The following SLCO2A1 variants were observed in gnomAD, a reference collection of about 807,000 sequenced individuals.
SLCO2A1 encodes the protein matrin F/G 1.
In SLCO2A1, 60 loss-of-function variants were observed where a neutral mutation model predicts 71.7. The ratio of observed to expected loss-of-function variants is 0.84; its 90% CI spans 0.68 to 1.04. The LOEUF (loss-of-function observed/expected upper bound fraction) is 1.04. SLCO2A1 is among the 50% of genes least tolerant of loss of function. The pLI, the probability that SLCO2A1 is intolerant of heterozygous loss-of-function variation, is 0.00. For synonymous variants in SLCO2A1, 308 were observed against 326.7 expected, an observed-to-expected ratio of 0.94 and a Z score of 0.62; for missense variants, 745 against 813.4, an observed-to-expected ratio of 0.92 and a Z score of 1.02.
chr3:133,964,040 C>T (rs1205224458), intron 3 of SLCO2A1, among the ~76,000 whole-genome samples: 2 of 152,234 alleles, frequency 1.3e-5, no homozygotes, highest in African/African-American at 4.8e-5. Flanking sequence ...AACATGTGTT[C>T]TATTCCAGCT....
Position 133,942,698 on chromosome 3 carries a change from CAG to C in SLCO2A1, c.1530_1531del (p.Ala512ProfsTer65), listed in dbSNP as rs781031835. On this transcript the variant is annotated frameshift_variant, in exon 11 of 14. Coordinates refer to ENST00000310926, the MANE Select transcript of SLCO2A1 (RefSeq NM_005630.3). LOFTEE classifies it high-confidence loss of function. ...GATGGCCGGGAGCAGGAAGTGGGCA[CAG>C]GGGACAGGGCACGATCCTGTCTTTG... 1 of 1,613,924 alleles carries C rather than the reference CAG, an allele frequency of 6.2e-7. No homozygotes were observed. Among genetic ancestry groups the C allele is most frequent in the Non-Finnish European group, 8.5e-7 (1 of 1,179,960 alleles).
intron 2 of SLCO2A1, among the ~76,000 whole-genome samples, chr3:133,978,692 A>C (rs1344307352): frequency 6.6e-6 from 1 of 152,026 alleles, no homozygotes. Context: ...GCCTGCCTCC[A>C]TCCAGGAAGA....
chr3:133,961,569 A>G lies in SLCO2A1; in HGVS notation c.398-6376T>C, dbSNP rs540380448. Among the ~76,000 whole-genome samples, 3 of 152,330 alleles carry G rather than the reference A, an allele frequency of 2.0e-5. No individual in the cohort carries two copies. The East Asian group carries it at 5.8e-4, about 29-fold the overall frequency. ...TGCCTGCTGCACCACGGCCACAAAA[A>G]TCCTCATGAAGTTCATCTCATGCAG... On this transcript the variant is annotated intron_variant, in intron 3 of 13. Transcript: ENST00000310926.
Position 133,942,664 on chromosome 3 carries a change from G to T in SLCO2A1, c.1566C>A (p.Ile522=), listed in dbSNP as rs755229552. The change falls in exon 11 of 14, where the codon ATC becomes ATA. Residue 522 remains isoleucine (I), a synonymous_variant. Transcript: ENST00000310926. The stretch of plus-strand genomic sequence containing the variant: ...TGCAGGCTATCAGGGACACGAAGGA[G>T]ATGAGGAAGATGGCCGGGAGCAGGA... The part of the protein sequence containing the change: ...AHFLLPAIFL[I]SFVSLIACIS... 2.5e-6 allele frequency: 4 copies of T among 1,613,888 alleles called. No individual in the cohort carries two copies. In the African/African-American group the frequency reaches 5.3e-5, roughly 22 times the overall value.
At chr3:133,987,131 G>GCCCCCCCCCCCCCCCCCCCCC (rs71136502) in intron 1 of SLCO2A1, among the ~76,000 whole-genome samples, 1 of 105,032 alleles carries the variant, frequency 9.5e-6, no homozygotes, top group Admixed American at 9.5e-5. Context: ...AAAATTCAAA[G>GCCCCCCCCCCCCCCCCCCCCC]CCCCCCCCCC....
intron 3 of SLCO2A1, among the ~76,000 whole-genome samples, chr3:133,968,029 C>T (rs1297548606): frequency 1.5e-5 from 2 of 136,920 alleles, no homozygotes; most frequent in African/African-American, 5.7e-5. Flanking sequence ...GGCACCCCAC[C>T]CCACCTCCAC....
At chr3:133,996,268 T>C (rs958402317) in intron 1 of SLCO2A1, among the ~76,000 whole-genome samples, 7 of 152,094 alleles carry the variant, frequency 4.6e-5, no homozygotes, top group Non-Finnish European at 8.8e-5. Flanking sequence ...TGAGAAGACC[T>C]CCCAACAAAC....
intron 4 of SLCO2A1, among the ~76,000 whole-genome samples, chr3:133,954,474 T>C (rs1225019481): frequency 1.3e-5 from 2 of 152,160 alleles, no homozygotes; most frequent in African/African-American, 4.8e-5. Context: ...AAGTGGCTTG[T>C]TCGAAGGGAA....
chr3:133,941,808 C>CT (rs1933430933), intron 11 of SLCO2A1, among the ~76,000 whole-genome samples: 1 of 152,136 alleles, frequency 6.6e-6, no homozygotes, highest in South Asian at 2.1e-4. Context: ...GACTCTGAAA[C>CT]TTTCCACGTT....
chr3:134,027,592 CCTT>C (rs1935724127), intron 1 of SLCO2A1, among the ~76,000 whole-genome samples: 1 of 152,204 alleles, frequency 6.6e-6, no homozygotes, highest in Non-Finnish European at 1.5e-5. Context: ...TAAACCCCTT[CCTT>C]CTTTAACTCA....
At chr3:134,024,800 T>C (rs951745271) in intron 1 of SLCO2A1, among the ~76,000 whole-genome samples, 1 of 152,160 alleles carries the variant, frequency 6.6e-6, no homozygotes, top group African/African-American at 2.4e-5. Flanking sequence ...AAATGCTAGA[T>C]TAACCAAGTA....
chr3:133,972,003 C>T (rs1189272133), intron 3 of SLCO2A1, among the ~76,000 whole-genome samples: 1 of 152,046 alleles, frequency 6.6e-6, no homozygotes, highest in Non-Finnish European at 1.5e-5. Flanking sequence ...GGAGGTAATC[C>T]ACCATGAACA....
intron 5 of SLCO2A1, among the ~76,000 whole-genome samples, chr3:133,953,380 CA>C (rs1420931335): frequency 3.9e-5 from 6 of 152,198 alleles, no homozygotes; most frequent in Non-Finnish European, 8.8e-5. Flanking sequence ...GCTGTGGTGG[CA>C]ACACCTGAGG....
chr3:134,023,024 A>C (rs1039077019), intron 1 of SLCO2A1, among the ~76,000 whole-genome samples: 1 of 152,208 alleles, frequency 6.6e-6, no homozygotes, highest in African/African-American at 2.4e-5. Context: ...CCTGAAGATC[A>C]CGTTCTCATC....
At chr3:133,990,290 C>T (rs1934810498) in intron 1 of SLCO2A1, among the ~76,000 whole-genome samples, 1 of 152,160 alleles carries the variant, frequency 6.6e-6, no homozygotes, top group African/African-American at 2.4e-5. Context: ...AGTTTTTTGT[C>T]ATTGATTTTT....
chr3:133,943,210 G>A (rs910342048), intron 10 of SLCO2A1, among the ~76,000 whole-genome samples: 11 of 152,218 alleles, frequency 7.2e-5, no homozygotes, highest in African/African-American at 2.7e-4. Context: ...AATTCCCTGG[G>A]TTCTGATTCT....
rs1933193374 is a variant in SLCO2A1, at chr3:133,933,529, A to G, written c.*1184T>C. ...CGTTGGCTTCTGTCTCTCAACATCTATCACGTAGCAGCTGTGTCTCTCAAC... is the reference window on the plus strand; with the variant it reads ...CGTTGGCTTCTGTCTCTCAACATCTGTCACGTAGCAGCTGTGTCTCTCAAC... On this transcript the variant is annotated 3_prime_UTR_variant, in exon 14 of 14. Transcript: ENST00000310926. 1.3e-5 allele frequency: 2 copies of G among 152,306 alleles called. No homozygotes were observed. The highest frequency in any genetic ancestry group is 3.4e-3 in the Middle Eastern group (1 of 294). The allele number at this position is 152,306 out of a possible 1,614,324, so 9.4% of individuals were successfully genotyped here.
chr3:133,982,056 A>T (rs917888020), intron 1 of SLCO2A1, among the ~76,000 whole-genome samples: 1 of 152,180 alleles, frequency 6.6e-6, no homozygotes, highest in Non-Finnish European at 1.5e-5. Flanking sequence ...TGCCACTATA[A>T]GGCTGAAGGA....
intron 1 of SLCO2A1, among the ~76,000 whole-genome samples, chr3:133,987,626 C>A (rs1444223075): frequency 2.0e-5 from 3 of 152,202 alleles, no homozygotes; most frequent in Admixed American, 2.0e-4. Context: ...GCGCCCTGAC[C>A]ACCTTGGGAA....
Sources: allele counts gnomAD v4.1 joint callset (sites outside exome capture counted in the v4.1 genomes callset), GRCh38; gene constraint gnomAD v4.1.1; transcripts MANE v1.5; gene names NCBI Gene and HGNC (gene_info 2026-07-23, HGNC 2026-07-21).